The following OR2L13 variants were observed in gnomAD, a reference collection of about 807,000 sequenced individuals.
OR2L13 encodes the protein olfactory receptor family 2 subfamily L member 13.
A neutral mutation model predicts 15.3 loss-of-function variants in OR2L13; 14 were observed. The observed-to-expected ratio is 0.91, with a 90% CI of 0.60 to 1.43. The LOEUF is 1.43. OR2L13 is among the 40% of genes most tolerant of loss of function. The probability of loss-of-function intolerance (pLI) is 0.00; values close to 1 mark genes in which losing one functional copy is unlikely to be tolerated. For missense variants in OR2L13, 367 were observed against 387.9 expected, an observed-to-expected ratio of 0.95 and a Z score of 0.45; for synonymous variants, 152 against 142.9, an observed-to-expected ratio of 1.06 and a Z score of -0.45.
the OR2L13 span, among the ~76,000 whole-genome samples, chr1:248,017,245 G>C: frequency 6.6e-6 from 1 of 152,078 alleles, no homozygotes; most frequent in Non-Finnish European, 1.5e-5. Context: ...AAATTAAGGG[G>C]CACAAGTAAC....
At chr1:248,043,044 G>C in the OR2L13 span, among the ~76,000 whole-genome samples, 1 of 152,106 alleles carries the variant, frequency 6.6e-6, no homozygotes, top group East Asian at 1.9e-4. Flanking sequence ...AATGAGTTCT[G>C]TGAAGTCACC....
the OR2L13 span, among the ~76,000 whole-genome samples, chr1:247,937,943 T>A: frequency 2.0e-5 from 3 of 152,208 alleles, no homozygotes; most frequent in Non-Finnish European, 4.4e-5. Context: ...TAATAAATGT[T>A]AACCATATTT....
the OR2L13 span, among the ~76,000 whole-genome samples, chr1:248,015,106 A>G: frequency 6.6e-6 from 1 of 152,192 alleles, no homozygotes; most frequent in Admixed American, 6.5e-5. Flanking sequence ...CATACACACA[A>G]GCAAATATTC....
the OR2L13 span, chr1:247,990,804 T>A: frequency 6.2e-7 from 1 of 1,603,064 alleles, no homozygotes; most frequent in Non-Finnish European, 8.5e-7. Context: ...TTTTCTGTGA[T>A]GTTCCAGCTA....
At chr1:247,971,471 A>G in the OR2L13 span, among the ~76,000 whole-genome samples, 1 of 152,180 alleles carries the variant, frequency 6.6e-6, no homozygotes, top group Non-Finnish European at 1.5e-5. Flanking sequence ...ATTCCCATAA[A>G]CATTGACATA....
chr1:248,017,632 G>A, the OR2L13 span, among the ~76,000 whole-genome samples: 12,363 of 152,100 alleles, frequency 0.081, 632 homozygotes, highest in East Asian at 0.15. Context: ...GGGTCTTGGC[G>A]TGAATGACAT....
At chr1:247,980,641 T>C in the OR2L13 span, among the ~76,000 whole-genome samples, 1 of 152,188 alleles carries the variant, frequency 6.6e-6, no homozygotes, top group Non-Finnish European at 1.5e-5. Flanking sequence ...CCATCCTATG[T>C]TATTAGTGAT....
At chr1:247,953,510 C>T in the OR2L13 span, among the ~76,000 whole-genome samples, 1 of 152,162 alleles carries the variant, frequency 6.6e-6, no homozygotes, top group African/African-American at 2.4e-5. Flanking sequence ...TTTCTCATCA[C>T]AAGAAGCTGT....
At chr1:248,083,882 G>A in the OR2L13 span, 2 of 1,610,936 alleles carry the variant, frequency 1.2e-6, no homozygotes, top group South Asian at 2.2e-5. Context: ...GTGAAGAGCA[G>A]GTGGCGAAGG....
At chr1:248,036,836 C>T in the OR2L13 span, among the ~76,000 whole-genome samples, 1 of 151,960 alleles carries the variant, frequency 6.6e-6, no homozygotes, top group Non-Finnish European at 1.5e-5. Context: ...TTTTTGCTTC[C>T]CTAATGCTTA....
the OR2L13 span, among the ~76,000 whole-genome samples, chr1:248,004,324 T>A: frequency 6.6e-6 from 1 of 152,210 alleles, no homozygotes; most frequent in South Asian, 2.1e-4. Context: ...AGAATGTTTG[T>A]TTTTAGTTAT....
At chr1:248,057,441 G>A in the OR2L13 span, among the ~76,000 whole-genome samples, 3 of 152,250 alleles carry the variant, frequency 2.0e-5, no homozygotes, top group Admixed American at 6.5e-5. Flanking sequence ...TGTTTTGTCA[G>A]AAACTAGGAT....
the OR2L13 span, among the ~76,000 whole-genome samples, chr1:247,987,673 A>G: frequency 6.6e-6 from 1 of 152,042 alleles, no homozygotes; most frequent in Non-Finnish European, 1.5e-5. Context: ...TTGCCCATGT[A>G]TTTTCAAACA....
the OR2L13 span, chr1:248,061,808 T>C: frequency 9.6e-5 from 43 of 449,310 alleles, no homozygotes; most frequent in Non-Finnish European, 1.4e-4. Context: ...CAACCTTTTT[T>C]CTTCATGGCA....
At chr1:247,970,422 A>T in the OR2L13 span, among the ~76,000 whole-genome samples, 2 of 152,104 alleles carry the variant, frequency 1.3e-5, no homozygotes. Flanking sequence ...ACAATGTAAT[A>T]GTTTTGTAAT....
the OR2L13 span, among the ~76,000 whole-genome samples, chr1:248,033,939 T>G: frequency 1.2e-4 from 18 of 152,318 alleles, no homozygotes; most frequent in Non-Finnish European, 2.5e-4. Flanking sequence ...GAAGCCAAAC[T>G]GTCCCTCTTT....
chr1:248,048,097 A>T, the OR2L13 span, among the ~76,000 whole-genome samples: 1 of 152,182 alleles, frequency 6.6e-6, no homozygotes, highest in Non-Finnish European at 1.5e-5. Context: ...GTCAAAGGAT[A>T]TACTTTCATA....
the OR2L13 span, among the ~76,000 whole-genome samples, chr1:248,021,630 A>G: frequency 6.6e-6 from 1 of 152,228 alleles, no homozygotes. Flanking sequence ...AAGAAAAATG[A>G]GTACAGTACA....
At chr1:247,939,092 G>A in the OR2L13 span, 4 of 152,328 alleles carry the variant, frequency 2.6e-5, no homozygotes, top group South Asian at 8.3e-4. Context: ...CGCTTAGAGA[G>A]TTTAAGAGGC....
Sources: allele counts gnomAD v4.1 joint callset (sites outside exome capture counted in the v4.1 genomes callset), GRCh38; gene constraint gnomAD v4.1.1; transcripts MANE v1.5; gene names NCBI Gene and HGNC (gene_info 2026-07-23, HGNC 2026-07-21).